CDC42SE2: variants seen among roughly 807,000 people sequenced by gnomAD.
CDC42SE2 encodes CDC42 small effector protein 2.
A neutral mutation model predicts 11.5 loss-of-function variants in CDC42SE2; 3 were observed. The ratio of observed to expected loss-of-function variants is 0.26; its 90% CI spans 0.12 to 0.67. CDC42SE2 has a LOEUF of 0.67. Among genes scored for constraint, CDC42SE2 ranks in the 30% least tolerant of loss-of-function variants. The probability of loss-of-function intolerance (pLI) is 0.80; values close to 1 mark genes in which losing one functional copy is unlikely to be tolerated. For missense variants in CDC42SE2, 82 were observed against 106.8 expected, an observed-to-expected ratio of 0.77 and a Z score of 1.02; for synonymous variants, 33 against 34.8, an observed-to-expected ratio of 0.95 and a Z score of 0.18.
At chr5:131,303,659 C>G (rs1757726986) in intron 1 of CDC42SE2, among the ~76,000 whole-genome samples, 1 of 152,190 alleles carries the variant, frequency 6.6e-6, no homozygotes, top group African/African-American at 2.4e-5. Context: ...CCTCTGATAA[C>G]AGATACCCTA....
intron 1 of CDC42SE2, among the ~76,000 whole-genome samples, chr5:131,267,284 C>G (rs1421685205): frequency 1.3e-5 from 2 of 152,046 alleles, no homozygotes; most frequent in East Asian, 3.9e-4. Flanking sequence ...GTCTCGGTCT[C>G]TTGACCTCGT....
At chr5:131,273,510 C>A (rs568359222) in intron 1 of CDC42SE2, among the ~76,000 whole-genome samples, 1 of 150,214 alleles carries the variant, frequency 6.7e-6, no homozygotes, top group Admixed American at 6.6e-5. Flanking sequence ...GTGGCTCATG[C>A]CTGTAATCCC....
At chr5:131,328,888 C>T (rs1398147587) in intron 2 of CDC42SE2, among the ~76,000 whole-genome samples, 1 of 152,226 alleles carries the variant, frequency 6.6e-6, no homozygotes, top group Non-Finnish European at 1.5e-5. Flanking sequence ...GCTACTGCAT[C>T]AGGCAAATTC....
At chr5:131,296,709 G>T (rs1757577234) in intron 1 of CDC42SE2, among the ~76,000 whole-genome samples, 1 of 152,122 alleles carries the variant, frequency 6.6e-6, no homozygotes. Context: ...CAGAGGTACT[G>T]GGGGGGTTAG....
chr5:131,302,243 G>A (rs1031495048), intron 1 of CDC42SE2, among the ~76,000 whole-genome samples: 17 of 151,714 alleles, frequency 1.1e-4, no homozygotes, highest in Non-Finnish European at 1.8e-4. Context: ...GCAATGGTGC[G>A]ATGTCAGCTC....
chr5:131,377,259 C>G lies in CDC42SE2; in HGVS notation c.55-8284C>G, dbSNP rs192553332. 3.3e-5 allele frequency among the ~76,000 whole-genome samples: 5 copies of G among 151,756 alleles called. No individual in the cohort carries two copies. In the East Asian group the frequency reaches 7.7e-4, roughly 24 times the overall value. ...TCTTGACTCACTGCAACGTCTGCCT[C>G]CCGGGTTCAAACGATTATTGTGTCT... On this transcript the variant is annotated intron_variant, in intron 3 of 4. Coordinates refer to ENST00000505065, the MANE Select transcript of CDC42SE2 (RefSeq NM_001375635.1).
chr5:131,262,280 CA>C (rs1472502074), upstream of CDC42SE2, among the ~76,000 whole-genome samples: 1 of 151,160 alleles, frequency 6.6e-6, no homozygotes, highest in Non-Finnish European at 1.5e-5. Context: ...TATCATTGGT[CA>C]AAAAACTGCA....
At chr5:131,367,684 CTTAT>C (rs1210856075) in intron 3 of CDC42SE2, among the ~76,000 whole-genome samples, 1 of 152,016 alleles carries the variant, frequency 6.6e-6, no homozygotes, top group African/African-American at 2.4e-5. Flanking sequence ...TTTAAAATTT[CTTAT>C]TTATTCATAG....
chr5:131,235,780 A>G, the CDC42SE2 span, among the ~76,000 whole-genome samples: 905 of 151,786 alleles, frequency 6.0e-3, 9 homozygotes, highest in African/African-American at 0.021. Context: ...TATTTAGTAG[A>G]AATGGGGTTT....
At chr5:131,230,829 G>A in the CDC42SE2 span, among the ~76,000 whole-genome samples, 31 of 152,254 alleles carry the variant, frequency 2.0e-4, no homozygotes, top group South Asian at 2.7e-3. Context: ...CTATTGAGAC[G>A]TTAATATAGC....
At chr5:131,263,290 A>G (rs1477251780), upstream of CDC42SE2, among the ~76,000 whole-genome samples, 1 of 152,102 alleles carries the variant, frequency 6.6e-6, no homozygotes, top group African/African-American at 2.4e-5. Flanking sequence ...AATGGGGAAG[A>G]CCATACATTA....
chr5:131,322,159 T>A (rs894677319), intron 2 of CDC42SE2, among the ~76,000 whole-genome samples: 11 of 152,128 alleles, frequency 7.2e-5, no homozygotes, highest in African/African-American at 2.7e-4. Flanking sequence ...AGAAAAAAAT[T>A]TTTTTTATAG....
At chr5:131,277,709 T>A (rs184023467) in intron 1 of CDC42SE2, among the ~76,000 whole-genome samples, 2 of 152,334 alleles carry the variant, frequency 1.3e-5, no homozygotes, top group African/African-American at 2.4e-5. Flanking sequence ...TTTTCCCAGA[T>A]GTTTTTTAGC....
the CDC42SE2 span, among the ~76,000 whole-genome samples, chr5:131,222,361 C>A: frequency 6.6e-6 from 1 of 152,158 alleles, no homozygotes. Flanking sequence ...CCTGGGCTGA[C>A]CCCCAGCTTC....
chr5:131,246,199 C>A (rs1452620979), intron 1 of CDC42SE2, among the ~76,000 whole-genome samples: 1 of 152,126 alleles, frequency 6.6e-6, no homozygotes, highest in Non-Finnish European at 1.5e-5. Flanking sequence ...CTCACGCCTG[C>A]AATCCCAGCG....
chr5:131,335,286 T>A (rs990312292), intron 2 of CDC42SE2, among the ~76,000 whole-genome samples: 2 of 152,170 alleles, frequency 1.3e-5, no homozygotes, highest in African/African-American at 2.4e-5. Context: ...TTTGAGTGAG[T>A]TTCTTAATCC....
the CDC42SE2 span, among the ~76,000 whole-genome samples, chr5:131,213,906 A>G: frequency 6.6e-6 from 1 of 152,090 alleles, no homozygotes. Flanking sequence ...CTTTTCCCCA[A>G]TTTCGACTGA....
chr5:131,269,340 A>G (rs955368598), intron 1 of CDC42SE2, among the ~76,000 whole-genome samples: 6 of 152,212 alleles, frequency 3.9e-5, no homozygotes, highest in African/African-American at 1.4e-4. Flanking sequence ...TTAATTTCAT[A>G]TTAAATCTAG....
intron 3 of CDC42SE2, among the ~76,000 whole-genome samples, chr5:131,363,266 GA>G (rs35198617): frequency 0.43 from 60,188 of 138,930 alleles, 14,787 homozygotes; most frequent in African/African-American, 0.71. Flanking sequence ...CTGATTTACA[GA>G]AAAAAAAAAA....
Sources: allele counts gnomAD v4.1 joint callset (sites outside exome capture counted in the v4.1 genomes callset), GRCh38; gene constraint gnomAD v4.1.1; transcripts MANE v1.5; gene names NCBI Gene and HGNC (gene_info 2026-07-23, HGNC 2026-07-21).